The following NCALD variants were observed in gnomAD, a reference collection of about 807,000 sequenced individuals.
The protein encoded by NCALD is neurocalcin delta.
Under a neutral mutation model 18.6 loss-of-function variants are expected in NCALD, and 10 were observed. The ratio of observed to expected loss-of-function variants is 0.54; its 90% CI spans 0.33 to 0.91. The LOEUF (loss-of-function observed/expected upper bound fraction) is 0.91, where lower values mean the gene tolerates loss of function less well. NCALD is among the 40% of genes least tolerant of loss of function. The probability of loss-of-function intolerance (pLI) is 0.03; values close to 1 mark genes in which losing one functional copy is unlikely to be tolerated. For synonymous variants in NCALD, 88 were observed against 87.4 expected (o/e 1.01, Z -0.04); for missense variants, 184 against 247.6 (o/e 0.74, Z 1.72).
At chr8:102,015,540 T>C (rs1822054504) in intron 2 of NCALD, among the ~76,000 whole-genome samples, 1 of 152,172 alleles carries the variant, frequency 6.6e-6, no homozygotes, top group Non-Finnish European at 1.5e-5. Flanking sequence ...TCTTAAAAAG[T>C]TGCAACACAG....
At chr8:102,010,987 G>A (rs1443411366) in intron 2 of NCALD, among the ~76,000 whole-genome samples, 1 of 152,148 alleles carries the variant, frequency 6.6e-6, no homozygotes, top group East Asian at 1.9e-4. Context: ...CTTCAGGGAA[G>A]GATACACAAG....
intron 1 of NCALD, among the ~76,000 whole-genome samples, chr8:102,103,776 T>C (rs1825361725): frequency 6.6e-6 from 1 of 152,154 alleles, no homozygotes; most frequent in South Asian, 2.1e-4. Flanking sequence ...TAACAATTGT[T>C]AAATATGAAA....
intron 3 of NCALD, among the ~76,000 whole-genome samples, chr8:101,900,241 C>T (rs994318445): frequency 6.6e-6 from 1 of 151,782 alleles, no homozygotes; most frequent in Non-Finnish European, 1.5e-5. Context: ...CAATATATAT[C>T]TTCTTTTTTC....
At chr8:101,843,585 T>TTTTTTTTTTG (rs1563819704) in intron 4 of NCALD, among the ~76,000 whole-genome samples, 1 of 148,664 alleles carries the variant, frequency 6.7e-6, no homozygotes, top group Non-Finnish European at 1.5e-5. Flanking sequence ...AAAAATTGTT[T>TTTTTTTTTTG]TTTTTTTTTT....
chr8:102,123,460 GAAA>G (rs5893600), intron 1 of NCALD, among the ~76,000 whole-genome samples: 17 of 140,172 alleles, frequency 1.2e-4, no homozygotes, highest in Admixed American at 5.0e-4. Context: ...TGCAGCATTA[GAAA>G]AAAAAAAAAA....
At chr8:101,828,859 T>C (rs996145091) in intron 4 of NCALD, among the ~76,000 whole-genome samples, 1 of 151,966 alleles carries the variant, frequency 6.6e-6, no homozygotes, top group Non-Finnish European at 1.5e-5. Context: ...CTGTCTGTTT[T>C]GTATAACCAC....
At chr8:102,042,271 A>G (rs1823073412) in intron 1 of NCALD, among the ~76,000 whole-genome samples, 1 of 152,010 alleles carries the variant, frequency 6.6e-6, no homozygotes, top group African/African-American at 2.4e-5. Flanking sequence ...CAGAGACAAG[A>G]GAAAATCTAC....
At chr8:101,918,625 C>T (rs1046845423) in intron 2 of NCALD, among the ~76,000 whole-genome samples, 25 of 152,024 alleles carry the variant, frequency 1.6e-4, no homozygotes, top group African/African-American at 5.8e-4. Context: ...AACTGATAAA[C>T]TTCTTCAGTA....
intron 1 of NCALD, among the ~76,000 whole-genome samples, chr8:102,037,517 A>T (rs924734170): frequency 5.3e-5 from 8 of 152,202 alleles, no homozygotes; most frequent in African/African-American, 1.9e-4. Context: ...CATAATACAC[A>T]TATCATACAT....
intron 1 of NCALD, among the ~76,000 whole-genome samples, chr8:102,037,949 C>A (rs989572026): frequency 2.6e-5 from 4 of 152,164 alleles, no homozygotes; most frequent in Admixed American, 1.3e-4. Flanking sequence ...TATTTCAATA[C>A]CAGAGGTTTC....
chr8:101,986,101 G>A (rs1820798759), intron 2 of NCALD, among the ~76,000 whole-genome samples: 1 of 151,928 alleles, frequency 6.6e-6, no homozygotes, highest in Non-Finnish European at 1.5e-5. Context: ...CGCGATCTTG[G>A]CTCACTGCAA....
intron 1 of NCALD, among the ~76,000 whole-genome samples, chr8:101,728,961 A>G (rs1194149466): frequency 1.3e-5 from 2 of 152,256 alleles, no homozygotes; most frequent in Non-Finnish European, 2.9e-5. Context: ...AACTTAAAAA[A>G]TGTTCTTAAA....
At chr8:101,786,900 A>G (rs1275679147) in intron 1 of NCALD, among the ~76,000 whole-genome samples, 6 of 152,158 alleles carry the variant, frequency 3.9e-5, no homozygotes, top group Admixed American at 3.9e-4. Flanking sequence ...CCGTGTCTTT[A>G]TTTAAAGGCA....
intron 4 of NCALD, among the ~76,000 whole-genome samples, chr8:101,798,078 T>TTTTCTCC (rs1475011645): frequency 6.6e-6 from 1 of 152,110 alleles, no homozygotes; most frequent in Non-Finnish European, 1.5e-5. Flanking sequence ...AGAGTAAATA[T>TTTTCTCC]TTTCTCCTTA....
At chr8:101,737,871 A>G (rs1442242613) in intron 1 of NCALD, among the ~76,000 whole-genome samples, 1 of 152,148 alleles carries the variant, frequency 6.6e-6, no homozygotes, top group Non-Finnish European at 1.5e-5. Context: ...TATTGCATCT[A>G]TTTCGTATTG....
chr8:101,768,512 C>T (rs1811444169), intron 1 of NCALD, among the ~76,000 whole-genome samples: 1 of 152,154 alleles, frequency 6.6e-6, no homozygotes, highest in Non-Finnish European at 1.5e-5. Flanking sequence ...AGTTCGAGAC[C>T]AGCCTGGCCA....
chr8:101,990,424 C>T (rs906107525), intron 2 of NCALD, among the ~76,000 whole-genome samples: 3 of 152,098 alleles, frequency 2.0e-5, no homozygotes, highest in Non-Finnish European at 4.4e-5. Context: ...TGTTTCTAAG[C>T]CACTGATATG....
chr8:101,943,351 T>A (rs1331993892), intron 2 of NCALD, among the ~76,000 whole-genome samples: 2 of 152,304 alleles, frequency 1.3e-5, no homozygotes, highest in African/African-American at 2.4e-5. Flanking sequence ...CAGAAAACAA[T>A]CCTTTCCTAT....
At chr8:101,894,017 A>C (rs1817035236) in intron 3 of NCALD, among the ~76,000 whole-genome samples, 1 of 147,696 alleles carries the variant, frequency 6.8e-6, no homozygotes, top group African/African-American at 2.7e-5. Flanking sequence ...AGTGGACCTA[A>C]TAGACATCTA....
Sources: gnomAD v4.1 joint callset for allele counts (sites outside exome capture counted in the v4.1 genomes callset) on GRCh38, gnomAD v4.1.1 for gene constraint, MANE v1.5 for transcripts, NCBI Gene and HGNC (gene_info 2026-07-23, HGNC 2026-07-21) for gene names.